The following PCNX2 variants were observed in gnomAD, a reference collection of about 807,000 sequenced individuals.
PCNX2 encodes pecanex 2.
PCNX2 carries 168 observed loss-of-function variants against 223.8 expected under a neutral mutation model. That is an observed-to-expected ratio of 0.75 (90% CI 0.66 to 0.85). PCNX2 has a LOEUF of 0.85. PCNX2 is among the 40% of genes least tolerant of loss of function. PCNX2 has a pLI of 0.00. For missense variants in PCNX2, 2,507 were observed against 2,675.5 expected (o/e 0.94, Z 1.39); for synonymous variants, 1,006 against 1,052.6 (o/e 0.96, Z 0.86).
upstream of PCNX2, among the ~76,000 whole-genome samples, chr1:233,297,087 C>G (rs1662163893): frequency 1.3e-5 from 2 of 152,156 alleles, no homozygotes; most frequent in Admixed American, 1.3e-4. Flanking sequence ...TTTTGTATAT[C>G]TGCTCAAAAT....
chr1:233,299,585 C>T (rs73093249), upstream of PCNX2, among the ~76,000 whole-genome samples: 975 of 152,216 alleles, frequency 6.4e-3, 13 homozygotes, highest in African/African-American at 0.023. Flanking sequence ...CAGAGGTTGG[C>T]GGCAAGAGAT....
At chr1:233,304,836 T>C in the PCNX2 span, among the ~76,000 whole-genome samples, 1 of 152,204 alleles carries the variant, frequency 6.6e-6, no homozygotes. Flanking sequence ...TAATTACATT[T>C]TGTGAAGATC....
At chr1:233,018,226 G>C (rs1670753482) in intron 26 of PCNX2, among the ~76,000 whole-genome samples, 1 of 150,246 alleles carries the variant, frequency 6.7e-6, no homozygotes, top group South Asian at 2.1e-4. Context: ...ACAGGATCTT[G>C]TTGCCCAGTC....
intron 25 of PCNX2, among the ~76,000 whole-genome samples, chr1:233,049,398 C>T (rs1383689238): frequency 6.6e-6 from 1 of 152,098 alleles, no homozygotes; most frequent in African/African-American, 2.4e-5. Flanking sequence ...ATGATCATAT[C>T]ACTAGACATG....
chr1:233,015,735 A>G (rs1670634010), intron 27 of PCNX2, among the ~76,000 whole-genome samples: 1 of 152,078 alleles, frequency 6.6e-6, no homozygotes, highest in Non-Finnish European at 1.5e-5. Flanking sequence ...TTAGCCAGGC[A>G]TTGTGGCATG....
At chr1:233,263,596 C>T (rs1287190868) in intron 1 of PCNX2, among the ~76,000 whole-genome samples, 1 of 151,982 alleles carries the variant, frequency 6.6e-6, no homozygotes, top group South Asian at 2.1e-4. Flanking sequence ...GCTGGGATTA[C>T]AGGCATTCAC....
intron 1 of PCNX2, among the ~76,000 whole-genome samples, chr1:233,268,540 T>C (rs1660468336): frequency 6.6e-6 from 1 of 152,190 alleles, no homozygotes; most frequent in African/African-American, 2.4e-5. Context: ...ATGAATAGAT[T>C]CATTCTGCAC....
chr1:233,190,948 G>GA (rs1222385398), intron 15 of PCNX2, among the ~76,000 whole-genome samples: 2 of 152,084 alleles, frequency 1.3e-5, no homozygotes, highest in Non-Finnish European at 1.5e-5. Context: ...ACCTCAGTTA[G>GA]AAAAAAATGC....
At chr1:233,208,078 C>T (rs974724445) in intron 13 of PCNX2, among the ~76,000 whole-genome samples, 2 of 152,160 alleles carry the variant, frequency 1.3e-5, no homozygotes, top group Non-Finnish European at 2.9e-5. Context: ...CCCTCAGCCT[C>T]CCGAGTAGCT....
In PCNX2 at chr1:233,198,967, A is replaced by G; in HGVS notation, c.3038T>C (p.Leu1013Pro). Residue 1013 changes from leucine to proline, a missense_variant, in exon 15 of 34, where the codon CTC becomes CCC. This residue lies in a region of PCNX2 where 1,372 missense variants were observed against 1,509.4 expected (regional missense o/e 0.91). Transcript: ENST00000258229. ...CACTGCACTGAAGCAGACTGCGTGG[A>G]GCAGGGCGGCAGCCAAGACGCTCCG... The part of the protein sequence containing the change: ...VARSVLAAAL[L>P]HAVCFSAVKE... 7 of 1,606,484 alleles carry G rather than the reference A, an allele frequency of 4.4e-6. No homozygotes were observed. Among genetic ancestry groups the G allele is most frequent in the Non-Finnish European group, 5.9e-6 (7 of 1,176,994 alleles).
At chr1:233,287,953 G>T (rs373646354) in intron 1 of PCNX2, among the ~76,000 whole-genome samples, 1 of 152,178 alleles carries the variant, frequency 6.6e-6, no homozygotes, top group African/African-American at 2.4e-5. Context: ...GCTCAGAAGC[G>T]TTGGCTGTGA....
chr1:233,215,711 G>A (rs1403645234), intron 12 of PCNX2, among the ~76,000 whole-genome samples: 1 of 152,198 alleles, frequency 6.6e-6, no homozygotes, highest in Non-Finnish European at 1.5e-5. Flanking sequence ...AGAGTTGACT[G>A]AGGCAGGAGA....
At chr1:233,002,574 T>C (rs1228924321) in intron 28 of PCNX2, among the ~76,000 whole-genome samples, 1 of 152,194 alleles carries the variant, frequency 6.6e-6, no homozygotes, top group Non-Finnish European at 1.5e-5. Context: ...AAAATGGCCA[T>C]ACTGCCCGAA....
the PCNX2 span, among the ~76,000 whole-genome samples, chr1:233,303,762 T>C: frequency 6.6e-6 from 1 of 152,208 alleles, no homozygotes; most frequent in Non-Finnish European, 1.5e-5. Context: ...AAAATTTAAA[T>C]TCTATTCTAT....
Position 232,984,205 on chromosome 1 carries a change from C to A in PCNX2, c.*99G>T. 2 of 1,097,406 alleles carry A rather than the reference C, an allele frequency of 1.8e-6. No homozygotes were observed. The highest frequency in any genetic ancestry group is 2.4e-6 in the Non-Finnish European group (2 of 849,276). 68.0% of individuals were successfully genotyped at this position (1,097,406 alleles called of 1,614,324 possible). A position where few individuals can be genotyped will look rare whatever the true frequency, so the allele number is the denominator to read the frequency against. On this transcript the variant is annotated 3_prime_UTR_variant, in exon 34 of 34. Transcript: ENST00000258229. The stretch of plus-strand genomic sequence containing the variant: ...TCCACAGGAGGAGTCCCTCATGGAT[C>A]GCGGTATTGGTTGGTTGTGGTGATT...
chr1:233,157,200 G>A (rs1296900094), intron 19 of PCNX2, among the ~76,000 whole-genome samples: 1 of 152,074 alleles, frequency 6.6e-6, no homozygotes, highest in African/African-American at 2.4e-5. Context: ...TGCAAAAACA[G>A]CCTTAGAGCC....
intron 21 of PCNX2, among the ~76,000 whole-genome samples, chr1:233,109,783 C>G (rs978458988): frequency 6.6e-6 from 1 of 152,146 alleles, no homozygotes; most frequent in South Asian, 2.1e-4. Context: ...TAAATAATAG[C>G]CAATAAATTT....
At chr1:233,092,346 C>T (rs1314835150) in intron 22 of PCNX2, among the ~76,000 whole-genome samples, 6 of 152,172 alleles carry the variant, frequency 3.9e-5, no homozygotes. Context: ...CTTGCATGGT[C>T]TCTACACATA....
intron 10 of PCNX2, among the ~76,000 whole-genome samples, chr1:233,219,378 A>G (rs947871903): frequency 5.9e-5 from 9 of 152,084 alleles, no homozygotes; most frequent in African/African-American, 2.2e-4. Context: ...CTGTGAGAGG[A>G]TAAGATGCAG....
Sources: gnomAD v4.1 joint callset for allele counts (sites outside exome capture counted in the v4.1 genomes callset) on GRCh38, gnomAD v4.1.1 for gene constraint, gnomAD v4.1.1 regional missense constraint, MANE v1.5 for transcripts, NCBI Gene and HGNC (gene_info 2026-07-23, HGNC 2026-07-21) for gene names.